Variants in ZNF140 observed in about 807,000 individuals in gnomAD.
ZNF140 encodes zinc finger protein 140 (clone pHZ-39).
In ZNF140, 13 loss-of-function variants were observed where a neutral mutation model predicts 12.9. That is an observed-to-expected ratio of 1.01 (90% CI 0.66 to 1.60). ZNF140 has a LOEUF of 1.60. ZNF140 is among the 40% of genes most tolerant of loss of function. The pLI is 0.00. For synonymous variants in ZNF140, 214 were observed against 186.7 expected (o/e 1.15, Z -1.19); for missense variants, 531 against 548.8 (o/e 0.97, Z 0.32).
intron 4 of ZNF140, among the ~76,000 whole-genome samples, chr12:133,099,423 G>A (rs1325884704): frequency 6.6e-6 from 1 of 151,518 alleles, no homozygotes; most frequent in East Asian, 2.0e-4. Flanking sequence ...GTGATCTGCC[G>A]GCCTTAGCCT....
rs754491196 is a variant in ZNF140 at position 133,084,540 on chromosome 12, G to A, written c.232+979G>A. 2.6e-5 allele frequency among the ~76,000 whole-genome samples: 4 copies of A among 152,152 alleles called. No individual in the cohort carries two copies. The South Asian group carries it at 6.2e-4, about 24-fold the overall frequency. ...GTGAAAAAAGGAATTTCCAGTTGTC[G>A]TTTTAGGCTTGGGTAATTTGGATGC... On this transcript the variant is annotated intron_variant, in intron 4 of 4. Coordinates refer to ENST00000355557, the MANE Select transcript of ZNF140 (RefSeq NM_003440.4).
In ZNF140 at chr12:133,106,487, C is replaced by G. The variant is rs754521286; in HGVS notation, c.1210C>G (p.Gln404Glu). 1.9e-6 allele frequency: 3 copies of G among 1,614,068 alleles called. No homozygotes were observed. The highest frequency in any genetic ancestry group is 2.2e-5 in the South Asian group (2 of 91,068). Residue 404 changes from glutamine to glutamate, a missense_variant, in exon 5 of 5, where the codon CAG becomes GAG. Gln to Glu is a conservative substitution (Grantham distance 29). Transcript: ENST00000355557. Reference sequence around the variant, plus strand: ...CCGGAGCTTTTCCCTCATTCTACATCAGAGAACTCATACTGGAGAGAAACC... The same window carrying G: ...CCGGAGCTTTTCCCTCATTCTACATGAGAGAACTCATACTGGAGAGAAACC... ...FSRSFSLILH[Q>E]RTHTGEKPYV...
chr12:133,091,121 G>A lies in ZNF140; in HGVS notation c.232+7560G>A, dbSNP rs879246178. On this transcript the variant is annotated intron_variant, in intron 4 of 4. Coordinates refer to ENST00000355557, the MANE Select transcript of ZNF140 (RefSeq NM_003440.4). ...TCAGCACAGACCTTTTACAGGTGTC[G>A]GGCTGGGGGACGGTCAGGTCTTTCT... 5.2e-3 allele frequency among the ~76,000 whole-genome samples: 769 copies of A among 148,698 alleles called. 11 individuals carry two copies. Among genetic ancestry groups the A allele is most frequent in the Middle Eastern group, 0.014 (4 of 288 alleles).
At chr12:133,098,192 A>G (rs959373461) in intron 4 of ZNF140, among the ~76,000 whole-genome samples, 1 of 151,914 alleles carries the variant, frequency 6.6e-6, no homozygotes, top group African/African-American at 2.4e-5. Context: ...CTTTCTTAGC[A>G]TATTGATTAT....
At position 133,105,684 on chromosome 12, in the gene ZNF140, G is replaced by T. The variant is rs1028047426; in HGVS notation, c.407G>T (p.Cys136Phe). The T allele has an allele frequency of 2.5e-6, 4 of 1,614,190 alleles. No homozygotes were observed. Among genetic ancestry groups the T allele is most frequent in the Non-Finnish European group, 3.4e-6 (4 of 1,180,036 alleles). Residue 136 changes from cysteine to phenylalanine, a missense_variant, in exon 5 of 5, where the codon TGT (cysteine) becomes TTT (phenylalanine). Coordinates refer to ENST00000355557, the MANE Select transcript of ZNF140 (RefSeq NM_003440.4). ...HTEMLQENQG[C>F]IRKVTVSHQE... ...GAGATGCTGCAAGAAAATCAGGGAT[G>T]TATTAGGAAAGTAACAGTCTCTCAT...
rs1555291988 is a variant in ZNF140 at position 133,081,373 on chromosome 12, A to AATT, written c.9+44_9+45insATT. 3.5e-3 allele frequency: 789 copies of AATT among 228,342 alleles called. 11 individuals carry two copies. The highest frequency in any genetic ancestry group is 5.5e-3 in the African/African-American group (192 of 34,768). 14.1% of individuals were successfully genotyped at this position (228,342 alleles called of 1,614,324 possible). On this transcript the variant is annotated intron_variant, in intron 2 of 4. Transcript: ENST00000355557. ...AATATATATATATATATATATATAAATTTTTATTTTTTTTTTAAGAGAGAG... is the reference window on the plus strand; with the variant it reads ...AATATATATATATATATATATATAAAATTTTTTTATTTTTTTTTTAAGAGAGAG...
chr12:133,105,371 A>C (rs1955554021), intron 4 of ZNF140, 139 bp from the exon 5 acceptor site: 1 of 817,704 alleles, frequency 1.2e-6, no homozygotes, highest in Non-Finnish European at 1.9e-6. Context: ...CATACTACTC[A>C]GATTTCAGTC....
intron 4 of ZNF140, among the ~76,000 whole-genome samples, chr12:133,091,435 C>A (rs1472892158): frequency 6.6e-6 from 1 of 151,380 alleles, no homozygotes; most frequent in East Asian, 1.9e-4. Flanking sequence ...TTAACAACAT[C>A]TCAGCAAAGC....
intron 4 of ZNF140, chr12:133,084,330 A>G: frequency 6.2e-6 from 2 of 322,512 alleles, no homozygotes; most frequent in Non-Finnish European, 5.9e-6. Flanking sequence ...ATATTTATTT[A>G]TTCCTTCACA....
rs1157856116 is a variant in ZNF140, at chr12:133,081,379, A to ATT, written c.9+59_9+60dup. On this transcript the variant is annotated intron_variant, in intron 2 of 4. Transcript: ENST00000355557. ...TATATATATATATATATAAATTTTT[A>ATT]TTTTTTTTTTAAGAGAGAGACAGGG... 8.9e-5 allele frequency: 20 copies of ATT among 225,860 alleles called. 1 individual carries two copies. Among genetic ancestry groups the ATT allele is most frequent in the Non-Finnish European group, 8.2e-5 (11 of 134,732 alleles). The allele number at this position is 225,860 out of a possible 1,614,324, so 14.0% of individuals were successfully genotyped here.
intron 4 of ZNF140, among the ~76,000 whole-genome samples, chr12:133,087,631 A>G (rs111641390): frequency 3.3e-5 from 5 of 152,262 alleles, no homozygotes; most frequent in African/African-American, 1.2e-4. Context: ...TTGCATTTCT[A>G]ACAAATGACC....
In ZNF140 at chr12:133,090,045, C is replaced by T. The variant is rs111677124; in HGVS notation, c.232+6484C>T. On this transcript the variant is annotated intron_variant, in intron 4 of 4. Transcript: ENST00000355557. The stretch of plus-strand genomic sequence containing the variant: ...TGTATTTTTAGTAGAGATGGGGTCT[C>T]ATCATGTTGGCCAGGCTGGTCTTGA... Among the ~76,000 whole-genome samples, 1,006 of 152,064 alleles carry T rather than the reference C, an allele frequency of 6.6e-3. 4 individuals carry two copies. The highest frequency in any genetic ancestry group is 0.011 in the Non-Finnish European group (753 of 67,972).
intron 4 of ZNF140, among the ~76,000 whole-genome samples, chr12:133,089,555 T>A (rs1388382597): frequency 6.6e-6 from 1 of 152,140 alleles, no homozygotes; most frequent in African/African-American, 2.4e-5. Flanking sequence ...TTCAGATAGT[T>A]TCCTCCTTAT....
chr12:133,095,793 G>T (rs757534874), intron 4 of ZNF140, among the ~76,000 whole-genome samples: 1 of 151,828 alleles, frequency 6.6e-6, no homozygotes, highest in African/African-American at 2.4e-5. Context: ...GGATGTGCAC[G>T]TAATCCAGAT....
chr12:133,083,195 A>G lies in ZNF140; in HGVS notation c.102A>G (p.Val34=), dbSNP rs956853364. The part of the protein sequence containing the change: ...QPAQRDLYRC[V]MLENYGHLVS... ...CTCAAAGAGATTTGTACAGATGTGT[A>G]ATGTTGGAGAACTATGGCCATCTGG... Residue 34 remains valine, a synonymous_variant, in exon 3 of 5, where the codon GTA becomes GTG. Coordinates refer to ENST00000355557, the MANE Select transcript of ZNF140 (RefSeq NM_003440.4). 9.2e-5 allele frequency: 148 copies of G among 1,614,118 alleles called. No homozygotes were observed. In the Admixed American group the frequency reaches 2.4e-3, roughly 26 times the overall value.
chr12:133,106,710 C>G lies in ZNF140; in HGVS notation c.*59C>G. 7.1e-7 allele frequency: 1 copy of G among 1,408,630 alleles called. No individual in the cohort carries two copies. The highest frequency in any genetic ancestry group is 9.5e-7 in the Non-Finnish European group (1 of 1,050,742). The allele number at this position is 1,408,630 out of a possible 1,614,324, so 87.3% of individuals were successfully genotyped here. On this transcript the variant is annotated 3_prime_UTR_variant, in exon 5 of 5. Transcript: ENST00000355557. ...GAATTTTTTAAAAAGAAGTATAATG[C>G]CTTACTTCAGAGAACTCTTGGAAAG...
intron 4 of ZNF140, among the ~76,000 whole-genome samples, chr12:133,104,634 A>C (rs1385564898): frequency 6.6e-6 from 1 of 152,294 alleles, no homozygotes; most frequent in East Asian, 1.9e-4. Flanking sequence ...TACAGGCGTG[A>C]GCCACTGCGC....
At chr12:133,102,704 G>A (rs1455539938) in intron 4 of ZNF140, among the ~76,000 whole-genome samples, 1 of 117,146 alleles carries the variant, frequency 8.5e-6, no homozygotes, top group East Asian at 2.0e-4. Context: ...AGCCAAGATC[G>A]TGCCACTGGA....
chr12:133,087,590 T>C (rs1342171685), intron 4 of ZNF140, among the ~76,000 whole-genome samples: 1 of 151,830 alleles, frequency 6.6e-6, no homozygotes, highest in Non-Finnish European at 1.5e-5. Flanking sequence ...CAATGACTTA[T>C]AAACTCCACT....
Sources: gnomAD v4.1 joint callset for allele counts (sites outside exome capture counted in the v4.1 genomes callset) on GRCh38, gnomAD v4.1.1 for gene constraint, MANE v1.5 for transcripts, NCBI Gene and HGNC (gene_info 2026-07-23, HGNC 2026-07-21) for gene names.